Variants in SCAI observed in about 807,000 individuals in gnomAD.
SCAI encodes protein SCAI.
Under a neutral mutation model 92.2 loss-of-function variants are expected in SCAI, and 24 were observed. The ratio of observed to expected loss-of-function variants is 0.26; its 90% CI spans 0.19 to 0.37. The LOEUF (loss-of-function observed/expected upper bound fraction) is 0.37, where lower values mean the gene tolerates loss of function less well. SCAI is among the 10% of genes least tolerant of loss of function. The pLI, the probability that SCAI is intolerant of heterozygous loss-of-function variation, is 1.00. For synonymous variants in SCAI, 261 were observed against 258.6 expected, an observed-to-expected ratio of 1.01 and a Z score of -0.09; for missense variants, 450 against 736.2, an observed-to-expected ratio of 0.61 and a Z score of 4.50.
rs376710995 is a variant in SCAI at position 125,003,182 on chromosome 9, G to A, written c.997C>T (p.Pro333Ser). ...SADKPTRREN[P>S]HKYLLYKPTF... ...GGTTTGTAGAGCAGATACTTGTGGGGGTTTTCTCGTCTAGTAGGCTTGTCA... is the reference window on the plus strand; with the variant it reads ...GGTTTGTAGAGCAGATACTTGTGGGAGTTTTCTCGTCTAGTAGGCTTGTCA... The change falls in exon 11 of 18, where the codon CCC becomes TCC. Residue 333 changes from proline (P) to serine (S), a missense_variant. Coordinates refer to ENST00000336505, the MANE Select transcript of SCAI (RefSeq NM_001144877.3). 1.7e-5 allele frequency: 28 copies of A among 1,613,696 alleles called. No individual in the cohort carries two copies. Among genetic ancestry groups the A allele is most frequent in the Non-Finnish European group, 2.2e-5 (26 of 1,179,820 alleles).
Position 124,965,387 on chromosome 9 carries a change from C to T in SCAI, c.1674+5983G>A, listed in dbSNP as rs111530244. Among the ~76,000 whole-genome samples the T allele has an allele frequency of 2.5e-4, 38 of 152,144 alleles. 1 individual carries two copies. Among genetic ancestry groups the T allele is most frequent in the African/African-American group, 8.2e-4 (34 of 41,502 alleles). On this transcript the variant is annotated intron_variant, in intron 17 of 17. Coordinates refer to ENST00000336505, the MANE Select transcript of SCAI (RefSeq NM_001144877.3). ...TAGCTGAGACTACAGGCTCACGCCA[C>T]GACGCCCAGCTAATTTTTATATTTT...
intron 7 of SCAI, among the ~76,000 whole-genome samples, 164 bp from the exon 8 acceptor site, chr9:125,019,369 T>G (rs1481335869): frequency 6.6e-6 from 1 of 152,156 alleles, no homozygotes; most frequent in African/African-American, 2.4e-5. Context: ...CTAATAAATT[T>G]TCTTCAAAAG....
At chr9:125,143,350 C>CA in intron 1 of SCAI, 35 bp downstream of exon 1, 1 of 1,280,972 alleles carries the variant, frequency 7.8e-7, no homozygotes, top group Non-Finnish European at 1.0e-6. Flanking sequence ...GCCCCCACCC[C>CA]ATCCCCAACC....
intron 15 of SCAI, among the ~76,000 whole-genome samples, chr9:124,973,584 G>A (rs1831699872): frequency 6.6e-6 from 1 of 152,172 alleles, no homozygotes; most frequent in Admixed American, 6.5e-5. Flanking sequence ...TGTAATCCCA[G>A]CACTTTTGGA....
intron 2 of SCAI, among the ~76,000 whole-genome samples, chr9:125,139,631 T>C (rs1206008020): frequency 6.6e-6 from 1 of 152,090 alleles, no homozygotes; most frequent in Admixed American, 6.6e-5. Context: ...GCTGGGAAAG[T>C]ATGAAGAAGT....
At chr9:125,131,344 G>T (rs1835396850) in intron 2 of SCAI, among the ~76,000 whole-genome samples, 1 of 150,300 alleles carries the variant, frequency 6.7e-6, no homozygotes, top group Non-Finnish European at 1.5e-5. Flanking sequence ...GGAGGCGGAG[G>T]TTGCAGTGAG....
chr9:125,057,184 ATT>A (rs1456082685), intron 2 of SCAI, among the ~76,000 whole-genome samples: 2 of 152,236 alleles, frequency 1.3e-5, no homozygotes, highest in African/African-American at 4.8e-5. Context: ...GAAATAATGA[ATT>A]TTAATAGATG....
At chr9:125,001,731 C>A (rs1181144327) in intron 12 of SCAI, among the ~76,000 whole-genome samples, 1 of 152,144 alleles carries the variant, frequency 6.6e-6, no homozygotes, top group African/African-American at 2.4e-5. Flanking sequence ...GATAGTGAAG[C>A]AAGCATTTAA....
At position 125,092,131 on chromosome 9, in the gene SCAI, T is replaced by TAAAAAA. The variant is rs71374225; in HGVS notation, c.99-36130_99-36125dup. ...GGCGACAGAGCAAGACTCCGTCTCT[T>TAAAAAA]AAAAAAAAAAAAAAAAAAAAAAAAA... is the stretch of plus-strand genomic sequence containing the variant. On this transcript the variant is annotated intron_variant, in intron 2 of 17. Coordinates refer to ENST00000336505, the MANE Select transcript of SCAI (RefSeq NM_001144877.3). 6.4e-4 allele frequency among the ~76,000 whole-genome samples: 39 copies of TAAAAAA among 61,144 alleles called. 2 individuals are homozygous for TAAAAAA. The highest frequency in any genetic ancestry group is 7.9e-4 in the African/African-American group (13 of 16,450). The allele number at this position is 61,144 out of a possible 152,430, so 40.1% of individuals were successfully genotyped here.
At chr9:125,125,768 T>G (rs1588244515) in intron 2 of SCAI, among the ~76,000 whole-genome samples, 1 of 148,370 alleles carries the variant, frequency 6.7e-6, no homozygotes, top group Non-Finnish European at 1.5e-5. Context: ...GAGGCGGAGG[T>G]TGCAGTGAGC....
chr9:124,961,328 G>A (rs561306109), intron 17 of SCAI, among the ~76,000 whole-genome samples: 2 of 151,358 alleles, frequency 1.3e-5, no homozygotes, highest in African/African-American at 4.8e-5. Context: ...TGTGGGTGAC[G>A]TCCGCAATTT....
intron 2 of SCAI, among the ~76,000 whole-genome samples, chr9:125,139,399 G>A (rs527880114): frequency 8.6e-5 from 13 of 151,826 alleles, no homozygotes; most frequent in African/African-American, 2.7e-4. Context: ...AAGTGAGACC[G>A]TCTTTAAAAA....
chr9:125,126,446 C>T (rs983217312), intron 2 of SCAI, among the ~76,000 whole-genome samples: 11 of 149,642 alleles, frequency 7.4e-5, no homozygotes, highest in African/African-American at 2.7e-4. Context: ...AACACACATG[C>T]AAGGCAGAAG....
chr9:125,057,763 A>G (rs1293762662), intron 2 of SCAI, among the ~76,000 whole-genome samples: 1 of 152,218 alleles, frequency 6.6e-6, no homozygotes, highest in Non-Finnish European at 1.5e-5. Flanking sequence ...CAAAGCAGCA[A>G]TGGGAGATTT....
At position 124,943,822 on chromosome 9, in the gene SCAI, C is replaced by G. The variant is rs752297234; in HGVS notation, c.*8985G>C. 2 of 152,174 alleles carry G rather than the reference C, an allele frequency of 1.3e-5. No homozygotes were observed. Among genetic ancestry groups the G allele is most frequent in the African/African-American group, 2.4e-5 (1 of 41,444 alleles). The allele number at this position is 152,174 out of a possible 1,614,324, so 9.4% of individuals were successfully genotyped here. A position where few individuals can be genotyped will look rare whatever the true frequency, so the allele number is the denominator to read the frequency against. On this transcript the variant is annotated 3_prime_UTR_variant, in exon 18 of 18. Coordinates refer to ENST00000336505, the MANE Select transcript of SCAI (RefSeq NM_001144877.3). ...GGGAAACTCAACCTTCCAATGGAAA[C>G]TGCTCAGAGGAAATAATAAAGTGTC... is the stretch of plus-strand genomic sequence containing the variant.
chr9:124,999,433 G>A (rs1431322512), intron 13 of SCAI, among the ~76,000 whole-genome samples: 3 of 151,866 alleles, frequency 2.0e-5, no homozygotes, highest in Non-Finnish European at 2.9e-5. Context: ...CTCACATCTT[G>A]TAATCCTAGC....
chr9:124,970,850 T>C (rs1412093813), intron 17 of SCAI, among the ~76,000 whole-genome samples: 2 of 152,170 alleles, frequency 1.3e-5, no homozygotes, highest in African/African-American at 2.4e-5. Flanking sequence ...GTTTCGTTCT[T>C]GTCGTCCAGG....
At chr9:125,114,209 AT>A (rs1834990938) in intron 2 of SCAI, among the ~76,000 whole-genome samples, 1 of 152,206 alleles carries the variant, frequency 6.6e-6, no homozygotes, top group Non-Finnish European at 1.5e-5. Context: ...ATTCCTTTCA[AT>A]AATGTCACAT....
intron 2 of SCAI, among the ~76,000 whole-genome samples, chr9:125,108,004 G>A (rs937985362): frequency 2.0e-5 from 3 of 152,214 alleles, no homozygotes; most frequent in Non-Finnish European, 4.4e-5. Flanking sequence ...ACTGGTTTTC[G>A]TATTTTTTTG....
Sources: allele counts gnomAD v4.1 joint callset (sites outside exome capture counted in the v4.1 genomes callset), GRCh38; gene constraint gnomAD v4.1.1; transcripts MANE v1.5; gene names NCBI Gene and HGNC (gene_info 2026-07-23, HGNC 2026-07-21).